SAMMSON: variants seen among roughly 807,000 people sequenced by gnomAD.
SAMMSON encodes long intergenic non-protein coding RNA 1212.
chr3:70,139,588 G>A (rs569660721), intron 4 of SAMMSON, among the ~76,000 whole-genome samples: 39 of 152,280 alleles, frequency 2.6e-4, no homozygotes, highest in African/African-American at 7.9e-4. Flanking sequence ...CAGCTTTGCT[G>A]GGTGCAGCAC....
intron 7 of SAMMSON, among the ~76,000 whole-genome samples, chr3:70,298,163 A>G (rs1702309148): frequency 6.6e-6 from 1 of 152,132 alleles, no homozygotes; most frequent in Non-Finnish European, 1.5e-5. Context: ...TGGCATCTAA[A>G]TATCCTTAGG....
intron 4 of SAMMSON, among the ~76,000 whole-genome samples, chr3:70,142,208 A>G (rs1392959124): frequency 1.3e-5 from 2 of 152,206 alleles, no homozygotes; most frequent in African/African-American, 4.8e-5. Context: ...AGAAGTCATT[A>G]TACGAAAAAG....
At chr3:70,053,719 C>T (rs1052897708) in intron 3 of SAMMSON, among the ~76,000 whole-genome samples, 4 of 152,108 alleles carry the variant, frequency 2.6e-5, no homozygotes, top group African/African-American at 7.2e-5. Flanking sequence ...TCCCATTATA[C>T]TACATATCTG....
chr3:70,176,247 G>A (rs914540405), intron 4 of SAMMSON, among the ~76,000 whole-genome samples: 1 of 152,112 alleles, frequency 6.6e-6, no homozygotes, highest in African/African-American at 2.4e-5. Flanking sequence ...AGTTCACAGG[G>A]TTATACCTGT....
intron 6 of SAMMSON, among the ~76,000 whole-genome samples, chr3:70,283,225 C>T (rs1012956501): frequency 6.6e-6 from 1 of 152,116 alleles, no homozygotes; most frequent in African/African-American, 2.4e-5. Flanking sequence ...AATGAAGACA[C>T]TGAAATAGAT....
chr3:70,310,315 C>A (rs1237401603), intron 7 of SAMMSON, among the ~76,000 whole-genome samples: 5 of 151,780 alleles, frequency 3.3e-5, no homozygotes, highest in Non-Finnish European at 7.4e-5. Flanking sequence ...CAGAAATAAT[C>A]ATCTTTTTTC....
At chr3:70,132,613 A>G (rs1463195986) in intron 4 of SAMMSON, among the ~76,000 whole-genome samples, 1 of 151,990 alleles carries the variant, frequency 6.6e-6, no homozygotes, top group African/African-American at 2.4e-5. Context: ...TGCAGGCTGC[A>G]ACCTTTATGA....
chr3:70,202,338 C>G (rs188175846), intron 4 of SAMMSON, among the ~76,000 whole-genome samples: 2 of 152,140 alleles, frequency 1.3e-5, no homozygotes, highest in Admixed American at 6.5e-5. Context: ...AGTAGTCTAT[C>G]TGACAACAGT....
chr3:70,134,247 G>A (rs1240759733), intron 4 of SAMMSON, among the ~76,000 whole-genome samples: 1 of 146,368 alleles, frequency 6.8e-6, no homozygotes, highest in Non-Finnish European at 1.5e-5. Flanking sequence ...GTGACAGGAC[G>A]AGATTCCATC....
chr3:70,114,405 G>A (rs900537443), intron 4 of SAMMSON, among the ~76,000 whole-genome samples: 1 of 152,190 alleles, frequency 6.6e-6, no homozygotes, highest in Non-Finnish European at 1.5e-5. Flanking sequence ...TTTGTCGACA[G>A]AGTAAAATAT....
chr3:70,194,828 T>C (rs1701160612), intron 4 of SAMMSON, among the ~76,000 whole-genome samples: 1 of 152,116 alleles, frequency 6.6e-6, no homozygotes, highest in African/African-American at 2.4e-5. Flanking sequence ...TACCATATTA[T>C]AGGAATAGGG....
intron 4 of SAMMSON, among the ~76,000 whole-genome samples, chr3:70,098,071 C>A (rs1209771960): frequency 6.6e-6 from 1 of 152,198 alleles, no homozygotes. Flanking sequence ...CATTTGTGTT[C>A]TCCAGCTTTA....
intron 6 of SAMMSON, among the ~76,000 whole-genome samples, chr3:70,274,056 C>CGTGTGTGTGTGTGTGT (rs111792704): frequency 4.9e-5 from 7 of 142,852 alleles, no homozygotes; most frequent in South Asian, 2.4e-4. Context: ...ATTAAACCTC[C>CGTGTGTGTGTGTGTGT]GTGTGTGTGT....
intron 4 of SAMMSON, among the ~76,000 whole-genome samples, chr3:70,180,412 C>T (rs1458533954): frequency 6.6e-6 from 1 of 151,946 alleles, no homozygotes; most frequent in Admixed American, 6.6e-5. Context: ...ACTGTATATA[C>T]TACCTACATA....
At chr3:70,221,945 T>A (rs1269984962) in intron 4 of SAMMSON, among the ~76,000 whole-genome samples, 2 of 152,172 alleles carry the variant, frequency 1.3e-5, no homozygotes, top group East Asian at 3.9e-4. Context: ...TTGGGTAGAT[T>A]AGTCACCTCA....
intron 1 of SAMMSON, among the ~76,000 whole-genome samples, chr3:70,004,760 G>A (rs1454864339): frequency 1.3e-5 from 2 of 151,298 alleles, no homozygotes; most frequent in Non-Finnish European, 2.9e-5. Flanking sequence ...TACACAGGCA[G>A]TGAGTTCAGA....
intron 2 of SAMMSON, among the ~76,000 whole-genome samples, chr3:70,415,857 T>C (rs1301537773): frequency 1.3e-5 from 2 of 152,194 alleles, no homozygotes; most frequent in Non-Finnish European, 2.9e-5. Flanking sequence ...AATTATGTAA[T>C]CTTACAAATG....
chr3:70,033,547 C>T (rs1012527982), intron 3 of SAMMSON, among the ~76,000 whole-genome samples: 11 of 152,122 alleles, frequency 7.2e-5, no homozygotes, highest in South Asian at 2.1e-4. Context: ...CTTGAAAAAC[C>T]GTATGAGACA....
intron 7 of SAMMSON, among the ~76,000 whole-genome samples, chr3:70,319,396 T>C (rs1039464864): frequency 6.6e-6 from 1 of 152,094 alleles, no homozygotes; most frequent in Non-Finnish European, 1.5e-5. Context: ...AGCTTCTTCA[T>C]ATATTTTGTC....
Sources: gnomAD v4.1 joint callset for allele counts (sites outside exome capture counted in the v4.1 genomes callset) on GRCh38, gnomAD v4.1.1 for gene constraint, MANE v1.5 for transcripts, NCBI Gene and HGNC (gene_info 2026-07-23, HGNC 2026-07-21) for gene names.